RGS22: variants seen among roughly 807,000 people sequenced by gnomAD.
RGS22 encodes the protein regulator of G-protein signaling 22.
Under a neutral mutation model 172.9 loss-of-function variants are expected in RGS22, and 148 were observed. The ratio of observed to expected loss-of-function variants is 0.86; its 90% CI spans 0.75 to 0.98. The LOEUF (loss-of-function observed/expected upper bound fraction) is 0.98. RGS22 is among the 50% of genes least tolerant of loss of function. The pLI, the probability that RGS22 is intolerant of heterozygous loss-of-function variation, is 0.00. For synonymous variants in RGS22, 458 were observed against 480.2 expected (o/e 0.95, Z 0.60); for missense variants, 1,347 against 1,440.8 (o/e 0.93, Z 1.05).
intron 14 of RGS22, among the ~76,000 whole-genome samples, chr8:100,009,738 T>C (rs183920469): frequency 6.6e-6 from 1 of 152,344 alleles, no homozygotes; most frequent in East Asian, 1.9e-4. Flanking sequence ...CAGATATAAA[T>C]TTGTACCAAA....
chr8:100,098,482 C>G (rs945551594), intron 2 of RGS22, among the ~76,000 whole-genome samples: 1 of 152,126 alleles, frequency 6.6e-6, no homozygotes, highest in Non-Finnish European at 1.5e-5. Flanking sequence ...ATTTGAAAAC[C>G]AAAAGCCCGC....
Position 100,063,701 on chromosome 8 carries a change from C to T in RGS22, c.1067G>A (p.Cys356Tyr). The change falls in exon 8 of 28, where the codon TGT (cysteine) becomes TAT (tyrosine). Residue 356 changes from cysteine (C) to tyrosine (Y), a missense_variant. By Grantham distance (194) the Cys-to-Tyr change is radical. Transcript: ENST00000360863. ...ATTCTTGCCATGAATAGACTCAAAACAATCATCAAATGACACTTTTGTTAT... is the reference window on the plus strand; with the variant it reads ...ATTCTTGCCATGAATAGACTCAAAATAATCATCAAATGACACTTTTGTTAT... ...NNITKVSFDD[C>Y]FESIHGKNFL... 1 of 1,614,010 alleles carries T rather than the reference C, an allele frequency of 6.2e-7. No individual in the cohort carries two copies. The highest frequency in any genetic ancestry group is 8.5e-7 in the Non-Finnish European group (1 of 1,179,952).
intron 14 of RGS22, among the ~76,000 whole-genome samples, chr8:100,014,287 T>G (rs1717231991): frequency 6.6e-6 from 1 of 152,214 alleles, no homozygotes. Flanking sequence ...CTCCACTGAT[T>G]CCATTTCCTT....
In RGS22 at chr8:99,996,970, G is replaced by A. The variant is rs115106752; in HGVS notation, c.2950-440C>T. Among the ~76,000 whole-genome samples the A allele has an allele frequency of 7.1e-3, 1,081 of 152,234 alleles. 14 individuals are homozygous for A. Among genetic ancestry groups the A allele is most frequent in the African/African-American group, 0.024 (1,001 of 41,534 alleles). ...TATCATTTCCCCTTTCTTGGGAACC[G>A]CTCATAACAAACCTGTGCTATTGAC... On this transcript the variant is annotated intron_variant, in intron 19 of 27. Transcript: ENST00000360863.
intron 6 of RGS22, among the ~76,000 whole-genome samples, chr8:100,071,112 G>A (rs1051335071): frequency 2.0e-5 from 3 of 151,802 alleles, no homozygotes; most frequent in Non-Finnish European, 2.9e-5. Flanking sequence ...GTAATACCCC[G>A]TCTCTACAAA....
chr8:100,066,326 A>G (rs369428289), intron 6 of RGS22, 30 bp from the exon 7 acceptor site: 10 of 1,596,314 alleles, frequency 6.3e-6, no homozygotes, highest in Admixed American at 1.7e-5. Flanking sequence ...TTAGTTTAAC[A>G]TATGATTAGC....
chr8:100,024,691 G>A (rs1229616179), intron 14 of RGS22, among the ~76,000 whole-genome samples: 2 of 152,174 alleles, frequency 1.3e-5, no homozygotes, highest in Non-Finnish European at 2.9e-5. Flanking sequence ...TAATAAGAAA[G>A]CAATGGCTTA....
intron 9 of RGS22, among the ~76,000 whole-genome samples, chr8:100,055,787 C>CT (rs1259944531): frequency 6.6e-6 from 1 of 152,158 alleles, no homozygotes; most frequent in Non-Finnish European, 1.5e-5. Flanking sequence ...ATTGTGAGGC[C>CT]TTTCCAGCCA....
chr8:100,010,476 C>A (rs1164513379), intron 14 of RGS22, among the ~76,000 whole-genome samples: 3 of 152,136 alleles, frequency 2.0e-5, no homozygotes, highest in African/African-American at 7.2e-5. Context: ...CAGAGTGAGA[C>A]TCCGTCTAAA....
intron 10 of RGS22, among the ~76,000 whole-genome samples, chr8:100,048,142 C>T (rs1820927216): frequency 6.6e-6 from 1 of 151,662 alleles, no homozygotes; most frequent in Admixed American, 6.6e-5. Context: ...CAATTTAAAT[C>T]CAGAATATGA....
intron 24 of RGS22, 116 bp from the exon 25 acceptor site, chr8:99,963,094 A>G (rs1810384910): frequency 1.2e-6 from 1 of 802,922 alleles, no homozygotes; most frequent in Non-Finnish European, 1.8e-6. Flanking sequence ...TATAACACAC[A>G]TAAAGAAAAG....
At chr8:99,998,996 A>G (rs1028376574) in intron 19 of RGS22, among the ~76,000 whole-genome samples, 4 of 152,080 alleles carry the variant, frequency 2.6e-5, no homozygotes, top group African/African-American at 9.7e-5. Flanking sequence ...TCTCTTCAAA[A>G]AAATTTTTTT....
intron 23 of RGS22, among the ~76,000 whole-genome samples, chr8:99,965,912 A>G (rs1810679713): frequency 6.6e-6 from 1 of 152,104 alleles, no homozygotes; most frequent in Non-Finnish European, 1.5e-5. Flanking sequence ...GGGCCTTTGT[A>G]TTTTTTACCA....
intron 20 of RGS22, among the ~76,000 whole-genome samples, chr8:99,995,356 C>T (rs189875315): frequency 1.4e-4 from 21 of 152,170 alleles, no homozygotes; most frequent in Non-Finnish European, 2.5e-4. Flanking sequence ...AAAATTTTTG[C>T]AATCTATCCA....
intron 4 of RGS22, among the ~76,000 whole-genome samples, 188 bp from the exon 5 acceptor site, chr8:100,072,418 CG>C (rs201353546): frequency 1.5e-3 from 195 of 126,614 alleles, no homozygotes; most frequent in Non-Finnish European, 2.8e-3. Context: ...GCCCCTGGTA[CG>C]TTTTTAATTC....
chr8:100,094,592 C>T (rs539518930), intron 2 of RGS22, among the ~76,000 whole-genome samples: 11 of 152,216 alleles, frequency 7.2e-5, no homozygotes, highest in Non-Finnish European at 1.5e-4. Context: ...AAAATTTCAA[C>T]TGATTAAAAT....
intron 3 of RGS22, 167 bp from the exon 4 acceptor site, chr8:100,080,522 A>G (rs1244832533): frequency 1.7e-6 from 1 of 601,570 alleles, no homozygotes; most frequent in East Asian, 2.8e-5. Flanking sequence ...GGTAGAGGTC[A>G]GGGAACCCAC....
chr8:100,043,601 C>T (rs1244631373), intron 11 of RGS22, among the ~76,000 whole-genome samples: 1 of 151,936 alleles, frequency 6.6e-6, no homozygotes, highest in Non-Finnish European at 1.5e-5. Context: ...CATGGTGAAA[C>T]CCCGTCTCTA....
intron 1 of RGS22, 82 bp downstream of exon 1, chr8:100,105,814 AG>A (rs1471360627): frequency 8.3e-7 from 1 of 1,210,670 alleles, no homozygotes; most frequent in African/African-American, 1.6e-5. Context: ...CTAGGAGGGC[AG>A]GAGGTAAAGT....
Sources: gnomAD v4.1 joint callset for allele counts (sites outside exome capture counted in the v4.1 genomes callset) on GRCh38, gnomAD v4.1.1 for gene constraint, MANE v1.5 for transcripts, NCBI Gene and HGNC (gene_info 2026-07-23, HGNC 2026-07-21) for gene names.